Variants in XXYLT1 observed in about 807,000 individuals in gnomAD.
XXYLT1 encodes xyloside xylosyltransferase 1.
XXYLT1 carries 20 observed loss-of-function variants against 28.9 expected under a neutral mutation model. The ratio of observed to expected loss-of-function variants is 0.69; its 90% confidence interval spans 0.49 to 1.00. XXYLT1 has a LOEUF of 1.00. XXYLT1 is among the 50% of genes least tolerant of loss of function. The pLI is 0.00. For synonymous variants in XXYLT1, 257 were observed against 253.8 expected (o/e 1.01, Z -0.12); for missense variants, 542 against 560.1 (o/e 0.97, Z 0.33).
intron 3 of XXYLT1, among the ~76,000 whole-genome samples, chr3:195,118,391 G>A (rs1004259555): frequency 6.6e-6 from 1 of 152,094 alleles, no homozygotes; most frequent in South Asian, 2.1e-4. Context: ...CACCACTAGC[G>A]TGACTACACA....
intron 2 of XXYLT1, among the ~76,000 whole-genome samples, chr3:195,182,713 AAATT>A (rs1349015207): frequency 8.5e-5 from 13 of 152,324 alleles, no homozygotes; most frequent in Non-Finnish European, 1.9e-4. Context: ...GAAAGGAAGG[AAATT>A]AATAAAAAGA....
chr3:195,228,207 G>C (rs1724138200), intron 1 of XXYLT1, among the ~76,000 whole-genome samples: 1 of 152,198 alleles, frequency 6.6e-6, no homozygotes. Flanking sequence ...GAGCCCACCT[G>C]AACAGGTGCC....
At chr3:195,083,669 C>T (rs1441105550) in intron 3 of XXYLT1, among the ~76,000 whole-genome samples, 1 of 152,210 alleles carries the variant, frequency 6.6e-6, no homozygotes, top group Non-Finnish European at 1.5e-5. Context: ...ATCTCAATTC[C>T]TCACAACTAC....
At chr3:195,149,925 G>A (rs1720099655) in intron 3 of XXYLT1, among the ~76,000 whole-genome samples, 1 of 152,210 alleles carries the variant, frequency 6.6e-6, no homozygotes, top group Non-Finnish European at 1.5e-5. Context: ...AACATATCCA[G>A]CGTTTTTGTC....
intron 3 of XXYLT1, among the ~76,000 whole-genome samples, chr3:195,086,854 C>G (rs550616288): frequency 6.6e-6 from 1 of 152,242 alleles, no homozygotes; most frequent in South Asian, 2.1e-4. Context: ...GCTCCGGGTC[C>G]TGGCTTCTGT....
At chr3:195,189,940 A>G (rs1722348823) in intron 2 of XXYLT1, among the ~76,000 whole-genome samples, 2 of 152,170 alleles carry the variant, frequency 1.3e-5, no homozygotes, top group African/African-American at 4.8e-5. Context: ...AGAAAGAAAA[A>G]AGTCTTGAAA....
intron 3 of XXYLT1, among the ~76,000 whole-genome samples, chr3:195,110,332 T>TGTACGTG (rs1267429080): frequency 7.2e-4 from 6 of 8,300 alleles, no homozygotes; most frequent in African/African-American, 3.8e-3. Flanking sequence ...GGGTGAGGTG[T>TGTACGTG]GTGTATGTGT....
At chr3:195,089,754 C>T (rs1716025427) in intron 3 of XXYLT1, among the ~76,000 whole-genome samples, 1 of 150,388 alleles carries the variant, frequency 6.6e-6, no homozygotes, top group Non-Finnish European at 1.5e-5. Context: ...GAGTCAAGAC[C>T]CATCAGTGTG....
At chr3:195,088,870 G>A (rs940751934) in intron 3 of XXYLT1, among the ~76,000 whole-genome samples, 20 of 148,736 alleles carry the variant, frequency 1.3e-4, no homozygotes, top group African/African-American at 4.2e-4. Flanking sequence ...CGAGAACTAC[G>A]TGAAGAATGC....
chr3:195,220,364 G>A (rs534610011), intron 2 of XXYLT1, among the ~76,000 whole-genome samples: 13 of 152,234 alleles, frequency 8.5e-5, no homozygotes, highest in Admixed American at 2.0e-4. Flanking sequence ...GGCTGGTATC[G>A]AACTCCTGAC....
chr3:195,120,303 C>CCCCCCCCCCCCCCCCCT (rs1560106289), intron 3 of XXYLT1, among the ~76,000 whole-genome samples: 13 of 142,150 alleles, frequency 9.1e-5, no homozygotes, highest in Non-Finnish European at 1.1e-4. Context: ...GCCCCAGCCC[C>CCCCCCCCCCCCCCCCCT]CATGGCCACA....
rs555145733 is a variant in XXYLT1, at chr3:195,091,366, G to T, written c.786-21255C>A. On this transcript the variant is annotated intron_variant, in intron 3 of 3. Coordinates refer to ENST00000310380, the MANE Select transcript of XXYLT1 (RefSeq NM_152531.5). ...GCTTCATCCCTGGGATGCAAGGCTG[G>T]TTCAATATACGCAAATCAATAAATG... Among the ~76,000 whole-genome samples, 6 of 113,352 alleles carry T rather than the reference G, an allele frequency of 5.3e-5. 1 individual carries two copies. The South Asian group carries it at 1.9e-3, about 36-fold the overall frequency. 74.4% of individuals were successfully genotyped at this position (113,352 alleles called of 152,430 possible). A position where few individuals can be genotyped will look rare whatever the true frequency, so the allele number is the denominator to read the frequency against.
intron 3 of XXYLT1, among the ~76,000 whole-genome samples, chr3:195,151,912 G>A (rs1325600732): frequency 6.6e-6 from 1 of 152,022 alleles, no homozygotes; most frequent in East Asian, 1.9e-4. Context: ...TGACGGAGGG[G>A]AAATGCTCTT....
At chr3:195,269,462 G>A (rs569655816) in intron 1 of XXYLT1, among the ~76,000 whole-genome samples, 2 of 152,302 alleles carry the variant, frequency 1.3e-5, no homozygotes, top group South Asian at 4.1e-4. Context: ...GCATGTATAA[G>A]GCCCACTCCC....
chr3:195,151,148 T>C (rs1193737008), intron 3 of XXYLT1, among the ~76,000 whole-genome samples: 2 of 152,098 alleles, frequency 1.3e-5, no homozygotes, highest in Non-Finnish European at 2.9e-5. Context: ...CAGGATCTTG[T>C]AGGAGAGCCA....
In XXYLT1 at chr3:195,076,291, ACACCCACC is replaced by A; in HGVS notation, c.786-6188_786-6181del. On this transcript the variant is annotated intron_variant, in intron 3 of 3. Transcript: ENST00000310380. The surrounding 1 kb of genome is among the most constrained non-coding windows in gnomAD (Gnocchi z 5.3). ...TCAGGACAGTGTTACCACCCACCCC[ACACCCACC>A]CGTTCCAGAGAGGAAGAAGCCCGCA... 1.8e-5 allele frequency among the ~76,000 whole-genome samples: 2 copies of A among 113,494 alleles called. 1 individual carries two copies. Among genetic ancestry groups the A allele is most frequent in the Admixed American group, 1.6e-4 (2 of 12,630 alleles). 74.5% of individuals were successfully genotyped at this position (113,494 alleles called of 152,430 possible).
At chr3:195,144,549 T>C (rs1719730557) in intron 3 of XXYLT1, among the ~76,000 whole-genome samples, 1 of 151,992 alleles carries the variant, frequency 6.6e-6, no homozygotes, top group Admixed American at 6.6e-5. Flanking sequence ...GCAAATTTTT[T>C]GTATCTTTAG....
intron 3 of XXYLT1, among the ~76,000 whole-genome samples, chr3:195,088,049 C>T (rs554217385): frequency 4.6e-5 from 7 of 152,180 alleles, no homozygotes; most frequent in African/African-American, 1.4e-4. Context: ...CACGGAGTCT[C>T]GCTGATTGCC....
chr3:195,199,065 GA>G (rs1443554365), intron 2 of XXYLT1, among the ~76,000 whole-genome samples: 1 of 152,188 alleles, frequency 6.6e-6, no homozygotes, highest in East Asian at 1.9e-4. Flanking sequence ...ACCAGGGACT[GA>G]AAGGAATCTG....
Sources: allele counts gnomAD v4.1 joint callset (sites outside exome capture counted in the v4.1 genomes callset), GRCh38; gene constraint gnomAD v4.1.1; non-coding constraint Gnocchi (gnomAD v3.1); transcripts MANE v1.5; gene names NCBI Gene and HGNC (gene_info 2026-07-23, HGNC 2026-07-21).